Variants in TENM2 observed in about 807,000 individuals in gnomAD.
The protein encoded by TENM2 is teneurin transmembrane protein 2, also known as teneurin-2.
A neutral mutation model predicts 245.2 loss-of-function variants in TENM2; 52 were observed. The observed-to-expected ratio is 0.21, with a 90% CI of 0.17 to 0.27. TENM2 has a LOEUF of 0.27. Among genes scored for constraint, TENM2 ranks in the 10% least tolerant of loss-of-function variants. TENM2 has a pLI of 1.00. For missense variants in TENM2, 3,046 were observed against 3,666.8 expected (o/e 0.83, Z 4.37); for synonymous variants, 1,363 against 1,438.9 (o/e 0.95, Z 1.19).
the TENM2 span, among the ~76,000 whole-genome samples, chr5:167,013,030 G>A: frequency 1.3e-5 from 2 of 152,070 alleles, no homozygotes; most frequent in Non-Finnish European, 2.9e-5. Context: ...TATGGGCAGG[G>A]GCCAGACCTT....
At chr5:167,121,848 C>G in the TENM2 span, among the ~76,000 whole-genome samples, 3 of 152,122 alleles carry the variant, frequency 2.0e-5, no homozygotes, top group African/African-American at 7.2e-5. Flanking sequence ...TTCAAGTGAC[C>G]TTAGTAAAAC....
intron 2 of TENM2, among the ~76,000 whole-genome samples, chr5:167,598,021 G>A (rs1053974634): frequency 6.6e-6 from 1 of 152,160 alleles, no homozygotes; most frequent in African/African-American, 2.4e-5. Context: ...CATGAGTTTA[G>A]CTGCATTAAC....
intron 2 of TENM2, among the ~76,000 whole-genome samples, chr5:167,511,789 C>T (rs1356781574): frequency 6.6e-6 from 1 of 152,170 alleles, no homozygotes; most frequent in Non-Finnish European, 1.5e-5. Context: ...TGATGGTATG[C>T]TTGCCATATA....
chr5:167,678,781 A>C (rs1046906453), intron 2 of TENM2, among the ~76,000 whole-genome samples: 1 of 152,094 alleles, frequency 6.6e-6, no homozygotes, highest in East Asian at 1.9e-4. Flanking sequence ...TGTCAGTATA[A>C]TTGCTTCAAA....
At chr5:167,461,066 A>C (rs1429936579) in intron 2 of TENM2, among the ~76,000 whole-genome samples, 1 of 152,204 alleles carries the variant, frequency 6.6e-6, no homozygotes. Flanking sequence ...GGGACTCACT[A>C]TAGCGCCATA....
At chr5:167,736,242 AG>A (rs1206817932) in intron 2 of TENM2, among the ~76,000 whole-genome samples, 1 of 152,182 alleles carries the variant, frequency 6.6e-6, no homozygotes, top group East Asian at 1.9e-4. Flanking sequence ...CACTATCGCA[AG>A]AACAGGAGGG....
chr5:167,363,295 A>G (rs1759823957), intron 1 of TENM2, among the ~76,000 whole-genome samples: 2 of 152,190 alleles, frequency 1.3e-5, no homozygotes, highest in African/African-American at 4.8e-5. Context: ...GGAAACCTAA[A>G]AAGAGGTATG....
chr5:167,587,829 A>T (rs1775608011), intron 2 of TENM2, among the ~76,000 whole-genome samples: 1 of 152,180 alleles, frequency 6.6e-6, no homozygotes, highest in South Asian at 2.1e-4. Context: ...GAAAGGTGTA[A>T]CTATTTTCCC....
At chr5:167,509,583 C>A (rs1769786990) in intron 2 of TENM2, among the ~76,000 whole-genome samples, 1 of 152,132 alleles carries the variant, frequency 6.6e-6, no homozygotes, top group Non-Finnish European at 1.5e-5. Flanking sequence ...CAATGACACA[C>A]TCAGGAATCT....
At chr5:167,161,500 A>G in the TENM2 span, among the ~76,000 whole-genome samples, 12 of 152,340 alleles carry the variant, frequency 7.9e-5, no homozygotes, top group Middle Eastern at 3.4e-3. Flanking sequence ...AACAGACTGT[A>G]ATGTAAGTTA....
At chr5:167,468,633 T>C (rs1476963040) in intron 2 of TENM2, among the ~76,000 whole-genome samples, 2 of 152,240 alleles carry the variant, frequency 1.3e-5, no homozygotes, top group Non-Finnish European at 2.9e-5. Context: ...AAGTTGTGTT[T>C]AATTCTATTC....
At chr5:167,459,240 C>T (rs778005398) in intron 2 of TENM2, among the ~76,000 whole-genome samples, 32 of 152,288 alleles carry the variant, frequency 2.1e-4, no homozygotes, top group Non-Finnish European at 3.4e-4. Flanking sequence ...GGGAATCCTA[C>T]GATATCTGTT....
intron 25 of TENM2, among the ~76,000 whole-genome samples, chr5:168,237,427 G>A (rs1765603359): frequency 6.6e-6 from 1 of 151,966 alleles, no homozygotes; most frequent in Non-Finnish European, 1.5e-5. Flanking sequence ...AATGTTCATT[G>A]AGCACCAAGC....
intron 25 of TENM2, chr5:168,241,163 C>A (rs548400388): frequency 6.6e-6 from 1 of 152,194 alleles, no homozygotes; most frequent in East Asian, 1.9e-4. Context: ...TGATAGGAAT[C>A]TTCCACTTGA....
the TENM2 span, among the ~76,000 whole-genome samples, chr5:167,130,826 G>A: frequency 2.7e-5 from 4 of 146,058 alleles, no homozygotes; most frequent in Non-Finnish European, 6.0e-5. Context: ...CACTTGAAAT[G>A]ATCTTTTAAT....
At chr5:167,698,269 G>A (rs931967767) in intron 2 of TENM2, among the ~76,000 whole-genome samples, 1 of 152,234 alleles carries the variant, frequency 6.6e-6, no homozygotes, top group African/African-American at 2.4e-5. Context: ...GTAAGATGAT[G>A]GCTTCAGATC....
chr5:167,683,189 T>A lies in TENM2; in HGVS notation c.503-192797T>A, dbSNP rs967078615. 2.0e-5 allele frequency among the ~76,000 whole-genome samples: 3 copies of A among 152,114 alleles called. No individual in the cohort carries two copies. The East Asian group carries it at 5.8e-4, about 29-fold the overall frequency. On this transcript the variant is annotated intron_variant, in intron 2 of 28. Coordinates refer to ENST00000518659, the Ensembl canonical transcript of TENM2. Reference sequence around the variant, plus strand: ...AATCTGTATTAATTGTGTACATTTGTTTGAGTTAGAGATTTATTGCCTGTA... The same window carrying A: ...AATCTGTATTAATTGTGTACATTTGATTGAGTTAGAGATTTATTGCCTGTA...
At chr5:167,748,725 G>T (rs1761755124) in intron 2 of TENM2, among the ~76,000 whole-genome samples, 1 of 152,018 alleles carries the variant, frequency 6.6e-6, no homozygotes, top group African/African-American at 2.4e-5. Flanking sequence ...TTATATGGTG[G>T]CAGGGGAGAG....
At chr5:167,005,647 G>C in the TENM2 span, among the ~76,000 whole-genome samples, 1 of 125,596 alleles carries the variant, frequency 8.0e-6, no homozygotes, top group African/African-American at 3.0e-5. Flanking sequence ...TGTTTTTTCT[G>C]TGTGTGGGTT....
Sources: gnomAD v4.1 joint callset for allele counts (sites outside exome capture counted in the v4.1 genomes callset) on GRCh38, gnomAD v4.1.1 for gene constraint, MANE v1.5 for transcripts, NCBI Gene and HGNC (gene_info 2026-07-23, HGNC 2026-07-21) for gene names.